The following NFKBIZ variants were observed in gnomAD, a reference collection of about 807,000 sequenced individuals.
NFKBIZ encodes NF-kappa-B inhibitor zeta.
NFKBIZ carries 19 observed loss-of-function variants against 76.8 expected under a neutral mutation model. That is an observed-to-expected ratio of 0.25 (90% CI 0.17 to 0.36). The LOEUF is 0.36. NFKBIZ is among the 10% of genes least tolerant of loss of function. The probability of loss-of-function intolerance (pLI) is 1.00; values close to 1 mark genes in which losing one functional copy is unlikely to be tolerated. For synonymous variants in NFKBIZ, 368 were observed against 354.8 expected (o/e 1.04, Z -0.42); for missense variants, 829 against 910.9 (o/e 0.91, Z 1.16).
intron 2 of NFKBIZ, among the ~76,000 whole-genome samples, chr3:101,835,642 T>C (rs1942709740): frequency 1.3e-5 from 2 of 152,190 alleles, no homozygotes; most frequent in Admixed American, 1.3e-4. Flanking sequence ...CTTATAAAGA[T>C]ACCAGTCAGA....
chr3:101,852,848 A>G (rs776157323), intron 3 of NFKBIZ, 38 bp from the exon 4 acceptor site: 12 of 1,601,932 alleles, frequency 7.5e-6, no homozygotes, highest in Non-Finnish European at 8.5e-6. Context: ...CATTTATAAA[A>G]TAAAATGATG....
intron 7 of NFKBIZ, 87 bp downstream of exon 7, chr3:101,855,295 C>T: frequency 1.9e-6 from 3 of 1,602,238 alleles, no homozygotes; most frequent in African/African-American, 1.3e-5. Context: ...TTGCCTGTTG[C>T]AATGATCTAT....
Position 101,849,681 on chromosome 3 carries a change from A to T in NFKBIZ, c.53A>T (p.Asp18Val). The T allele has an allele frequency of 1.4e-6, 2 of 1,394,818 alleles. No homozygotes were observed. Among genetic ancestry groups the T allele is most frequent in the Non-Finnish European group, 1.8e-6 (2 of 1,082,518 alleles). 86.4% of individuals were successfully genotyped at this position (1,394,818 alleles called of 1,614,324 possible). A position where few individuals can be genotyped will look rare whatever the true frequency, so the allele number is the denominator to read the frequency against. Reference sequence around the variant, plus strand: ...AGCCGCGGCGGAGAGGGGCTGCGGGACGCGGCGGGCGGCTGCGGCCTCATG... The same window carrying T: ...AGCCGCGGCGGAGAGGGGCTGCGGGTCGCGGCGGGCGGCTGCGGCCTCATG... The part of the protein sequence containing the change: ...DDSRGGEGLR[D>V]AAGGCGLMTS... Residue 18 changes from aspartate (D) to valine (V), a missense_variant, in exon 1 of 12, where the codon GAC (aspartate) becomes GTC (valine). By Grantham distance (152) the Asp-to-Val change is radical. This residue lies in a region of NFKBIZ where 181 missense variants were observed against 175.3 expected (regional missense o/e 1.03). Transcript: ENST00000326172.
Position 101,852,730 on chromosome 3 carries a change from C to A in NFKBIZ, c.430-8C>A, listed in dbSNP as rs758388045. ...TATACACTAAATTGGAAACTTTTTT[C>A]TTTATAGACACAAGGTGTGAACATA... On this transcript the variant is annotated splice_polypyrimidine_tract_variant and splice_region_variant and intron_variant, in intron 2 of 11. Coordinates refer to ENST00000326172, the MANE Select transcript of NFKBIZ (RefSeq NM_031419.4). 5.6e-6 allele frequency: 9 copies of A among 1,597,596 alleles called. No individual in the cohort carries two copies. In the South Asian group the frequency reaches 6.8e-5, roughly 12 times the overall value.
chr3:101,859,763 A>G lies in NFKBIZ; in HGVS notation c.*392A>G, dbSNP rs1006465665. 7.0e-5 allele frequency: 12 copies of G among 172,082 alleles called. No individual in the cohort carries two copies. Among genetic ancestry groups the G allele is most frequent in the African/African-American group, 2.8e-4 (12 of 42,160 alleles). The allele number at this position is 172,082 out of a possible 1,614,324, so 10.7% of individuals were successfully genotyped here. A position where few individuals can be genotyped will look rare whatever the true frequency, so the allele number is the denominator to read the frequency against. On this transcript the variant is annotated 3_prime_UTR_variant, in exon 12 of 12. Transcript: ENST00000326172. ...TTAAGAAAAAGCATGTGAAAGGAAA[A>G]AGGTAAATACAGCATTGAGGCTTCA...
At position 101,857,360 on chromosome 3, in the gene NFKBIZ, T is replaced by C. The variant is rs1451556253; in HGVS notation, c.2004T>C (p.Ala668=). The change falls in exon 11 of 12, where the codon GCT becomes GCC. Residue 668 remains alanine, a synonymous_variant. Coordinates refer to ENST00000326172, the MANE Select transcript of NFKBIZ (RefSeq NM_031419.4). ...SLQYRLTQLD[A]VRLLMRKGAD... ...AGTATCGGTTGACACAATTAGATGC[T>C]GTCCGCCTGTTGATGAGGAAGGGAG... The C allele has an allele frequency of 6.2e-7, 1 of 1,614,234 alleles. No homozygotes were observed. The highest frequency in any genetic ancestry group is 1.1e-5 in the South Asian group (1 of 91,092).
chr3:101,848,924 CTA>C (rs1386024826), upstream of NFKBIZ: 4 of 152,238 alleles, frequency 2.6e-5, no homozygotes, highest in Non-Finnish European at 2.9e-5. Flanking sequence ...TCGACAAACG[CTA>C]TGTTTGAGAA....
Position 101,860,556 on chromosome 3 carries a change from T to G in NFKBIZ, c.*1185T>G, listed in dbSNP as rs1943117972. The G allele has an allele frequency of 6.6e-6, 1 of 152,146 alleles. No homozygotes were observed. Among genetic ancestry groups the G allele is most frequent in the Non-Finnish European group, 1.5e-5 (1 of 68,026 alleles). The allele number at this position is 152,146 out of a possible 1,614,324, so 9.4% of individuals were successfully genotyped here. The stretch of plus-strand genomic sequence containing the variant: ...TTTATGTGTTCTGTTGAAATTTTTG[T>G]TTTTTTACCTTTATTGAAACAACAA... On this transcript the variant is annotated 3_prime_UTR_variant, in exon 12 of 12. Coordinates refer to ENST00000326172, the MANE Select transcript of NFKBIZ (RefSeq NM_031419.4).
chr3:101,836,583 T>C (rs758058683), intron 2 of NFKBIZ, among the ~76,000 whole-genome samples: 1 of 152,228 alleles, frequency 6.6e-6, no homozygotes, highest in Non-Finnish European at 1.5e-5. Flanking sequence ...TCAATAAATA[T>C]TTACTGAGTG....
chr3:101,853,955 ACCTTAGTTAGTGGTTGG>A (rs1383122218), intron 5 of NFKBIZ, 92 bp downstream of exon 5: 1 of 1,259,784 alleles, frequency 7.9e-7, no homozygotes, highest in East Asian at 2.4e-5. Context: ...AACAAGGTAT[ACCTTAGTTAGTGGTTGG>A]CTAACCAAGA....
At chr3:101,837,565 T>A (rs184042317) in intron 2 of NFKBIZ, among the ~76,000 whole-genome samples, 110 of 150,292 alleles carry the variant, frequency 7.3e-4, no homozygotes, top group Non-Finnish European at 1.3e-3. Context: ...ACCTTTCTGA[T>A]GGGGCATGCC....
intron 2 of NFKBIZ, among the ~76,000 whole-genome samples, chr3:101,843,228 A>T (rs1382656932): frequency 6.6e-6 from 1 of 152,054 alleles, no homozygotes; most frequent in Non-Finnish European, 1.5e-5. Context: ...TGAAGCCAGG[A>T]GTTCCAGACA....
At chr3:101,858,181 A>G (rs375310784) in intron 11 of NFKBIZ, 4 of 985,332 alleles carry the variant, frequency 4.1e-6, no homozygotes, top group South Asian at 9.4e-5. Context: ...TACATACTTT[A>G]CTAATCACAA....
rs764344905 is a variant in NFKBIZ at position 101,853,120 on chromosome 3, G to A, written c.594G>A (p.Glu198=). 1.9e-6 allele frequency: 3 copies of A among 1,613,944 alleles called. No individual in the cohort carries two copies. Among genetic ancestry groups the A allele is most frequent in the Non-Finnish European group, 2.5e-6 (3 of 1,179,950 alleles). ...CACCTCAAACACCAACGCCCGGGGA[G>A]AGCATGGAAGATGTTCATCTCAATG... is the stretch of plus-strand genomic sequence containing the variant. ...LTPPQTPTPG[E]SMEDVHLNEP... is the part of the protein sequence containing the mutation. The change falls in exon 5 of 12, where the codon GAG becomes GAA. Residue 198 remains glutamate, a synonymous_variant. Transcript: ENST00000326172.
intron 2 of NFKBIZ, among the ~76,000 whole-genome samples, chr3:101,834,314 T>TTC (rs1257981022): frequency 6.6e-6 from 1 of 151,052 alleles, no homozygotes; most frequent in African/African-American, 2.4e-5. Flanking sequence ...CCTTACCTCC[T>TTC]TCTCTCTCTC....
chr3:101,855,021 T>C (rs771119465), intron 6 of NFKBIZ, 41 bp from the exon 7 acceptor site: 33 of 1,549,956 alleles, frequency 2.1e-5, no homozygotes, highest in Non-Finnish European at 2.7e-5. Flanking sequence ...TATGATAACA[T>C]TGTATGTTTA....
chr3:101,850,458 T>C (rs1483878592), intron 1 of NFKBIZ: 2 of 152,298 alleles, frequency 1.3e-5, no homozygotes, highest in Non-Finnish European at 2.9e-5. Context: ...ACTCAAGTTA[T>C]GCCTTTAGTT....
At chr3:101,829,788 T>C (rs1942621693) in intron 2 of NFKBIZ, 1 of 152,198 alleles carries the variant, frequency 6.6e-6, no homozygotes, top group Admixed American at 6.5e-5. Context: ...GATTTTTCTC[T>C]TAAATTAGAC....
rs145929420 is a variant in NFKBIZ at position 101,830,732 on chromosome 3, G to A, written c.-12+1044G>A. ...CCTTTATCTAGTCCACTGTTGATGGGCATCTAGGTTGATTCCATGTCTTTG... is the reference window on the plus strand; with the variant it reads ...CCTTTATCTAGTCCACTGTTGATGGACATCTAGGTTGATTCCATGTCTTTG... On this transcript the variant is annotated intron_variant, in intron 2 of 12. Coordinates refer to the NFKBIZ transcript ENST00000394054. Among the ~76,000 whole-genome samples, 65 of 152,236 alleles carry A rather than the reference G, an allele frequency of 4.3e-4. 2 individuals carry two copies. In the East Asian group the frequency reaches 8.5e-3, roughly 20 times the overall value.
Sources: allele counts gnomAD v4.1 joint callset (sites outside exome capture counted in the v4.1 genomes callset), GRCh38; gene constraint gnomAD v4.1.1; regional missense constraint gnomAD v4.1.1; transcripts MANE v1.5; gene names NCBI Gene and HGNC (gene_info 2026-07-23, HGNC 2026-07-21).